NLN: variants seen among roughly 807,000 people sequenced by gnomAD.
NLN encodes the protein neurolysin, also known as neurolysin, mitochondrial.
Under a neutral mutation model 79.9 loss-of-function variants are expected in NLN, and 64 were observed. That is an observed-to-expected ratio of 0.80 (90% CI 0.65 to 0.99). The LOEUF (loss-of-function observed/expected upper bound fraction) is 0.99. Ranked by LOEUF, NLN falls within the 50% of genes least tolerant of loss-of-function variation. The pLI, the probability that NLN is intolerant of heterozygous loss-of-function variation, is 0.00. For synonymous variants in NLN, 267 were observed against 296.6 expected (o/e 0.90, Z 1.02); for missense variants, 835 against 858.7 (o/e 0.97, Z 0.34).
intron 9 of NLN, among the ~76,000 whole-genome samples, chr5:65,804,299 T>TA (rs756702768): frequency 2.6e-5 from 4 of 152,266 alleles, no homozygotes; most frequent in African/African-American, 4.8e-5. Context: ...AGATAATAGT[T>TA]ACTTCATACA....
At chr5:65,722,658 G>T (rs1758344946) in intron 1 of NLN, 2 of 511,768 alleles carry the variant, frequency 3.9e-6, no homozygotes, top group African/African-American at 2.0e-5. Context: ...TGCCTCAGCC[G>T]CAGTCAGCGA....
At chr5:65,780,766 C>G (rs1345157353) in intron 5 of NLN, among the ~76,000 whole-genome samples, 18 of 152,184 alleles carry the variant, frequency 1.2e-4, no homozygotes, top group Admixed American at 1.2e-3. Flanking sequence ...CTCCACCTCC[C>G]TGGTTCAAGC....
At chr5:65,729,670 C>G (rs896214949) in intron 1 of NLN, among the ~76,000 whole-genome samples, 3 of 152,100 alleles carry the variant, frequency 2.0e-5, no homozygotes, top group Non-Finnish European at 4.4e-5. Flanking sequence ...CACCGTGCTC[C>G]GCCGAGGATT....
At chr5:65,765,662 T>C (rs1332983684) in intron 3 of NLN, among the ~76,000 whole-genome samples, 1 of 151,958 alleles carries the variant, frequency 6.6e-6, no homozygotes, top group African/African-American at 2.4e-5. Flanking sequence ...TGAGCAGTGG[T>C]TGTGCCACTG....
intron 2 of NLN, among the ~76,000 whole-genome samples, chr5:65,760,251 T>G (rs1271786787): frequency 6.6e-6 from 1 of 152,210 alleles, no homozygotes; most frequent in Non-Finnish European, 1.5e-5. Context: ...TATCTCAGCA[T>G]TTGTTTCAGT....
chr5:65,762,286 T>C (rs1759355472), intron 2 of NLN, among the ~76,000 whole-genome samples: 1 of 152,174 alleles, frequency 6.6e-6, no homozygotes. Context: ...TGATTAGATT[T>C]TCTATGGAGT....
Position 65,785,034 on chromosome 5 carries a change from A to G in NLN, c.823-741A>G, listed in dbSNP as rs60896572. 1.7e-3 allele frequency among the ~76,000 whole-genome samples: 263 copies of G among 152,328 alleles called. 2 individuals carry two copies. The highest frequency in any genetic ancestry group is 5.9e-3 in the African/African-American group (246 of 41,568). On this transcript the variant is annotated intron_variant, in intron 6 of 12. Coordinates refer to ENST00000380985, the MANE Select transcript of NLN (RefSeq NM_020726.5). ...CCTTGTAAAGGCAGAGTTATATTCC[A>G]TTGTATATATATACCACATTTTGTT...
intron 1 of NLN, among the ~76,000 whole-genome samples, chr5:65,744,676 A>G (rs1014311663): frequency 6.6e-6 from 1 of 152,128 alleles, no homozygotes; most frequent in Non-Finnish European, 1.5e-5. Flanking sequence ...AGGCGGGTGG[A>G]TCACCTGAGG....
chr5:65,779,903 A>G (rs1050049400), intron 4 of NLN: 3 of 259,330 alleles, frequency 1.2e-5, no homozygotes, highest in African/African-American at 6.8e-5. Context: ...ATTGATGGTG[A>G]TAAAAATGAG....
intron 3 of NLN, among the ~76,000 whole-genome samples, chr5:65,769,393 AAAGTAT>A (rs1759520238): frequency 6.6e-6 from 1 of 152,244 alleles, no homozygotes; most frequent in African/African-American, 2.4e-5. Context: ...TGGAAATAAC[AAAGTAT>A]AACTGGATTG....
chr5:65,804,145 CT>C (rs966839549), intron 9 of NLN, among the ~76,000 whole-genome samples: 2 of 152,014 alleles, frequency 1.3e-5, no homozygotes, highest in South Asian at 4.2e-4. Flanking sequence ...ATCATTTAAC[CT>C]TTTTTTTCCA....
Position 65,822,765 on chromosome 5 carries a change from T to C in NLN, c.1981-16T>C, listed in dbSNP as rs775685177. 4 of 1,596,106 alleles carry C rather than the reference T, an allele frequency of 2.5e-6. No homozygotes were observed. Among genetic ancestry groups the C allele is most frequent in the Non-Finnish European group, 3.4e-6 (4 of 1,163,508 alleles). ...TAGAACCATGAATTATTAGGTATGA[T>C]GTTTTATTTTATTAGGTTGGAATGA... is the stretch of plus-strand genomic sequence containing the variant. On this transcript the variant is annotated splice_polypyrimidine_tract_variant and intron_variant, in intron 12 of 12. Transcript: ENST00000380985.
At chr5:65,806,911 T>A (rs1760425017) in intron 9 of NLN, among the ~76,000 whole-genome samples, 1 of 152,060 alleles carries the variant, frequency 6.6e-6, no homozygotes, top group African/African-American at 2.4e-5. Flanking sequence ...CTGCGTTGGC[T>A]CCCACCTGTA....
chr5:65,823,900 G>T lies in NLN; in HGVS notation c.*985G>T, dbSNP rs895684509. 1 of 152,214 alleles carries T rather than the reference G, an allele frequency of 6.6e-6. No homozygotes were observed. Among genetic ancestry groups the T allele is most frequent in the Non-Finnish European group, 1.5e-5 (1 of 68,072 alleles). The allele number at this position is 152,214 out of a possible 1,614,324, so 9.4% of individuals were successfully genotyped here. A position where few individuals can be genotyped will look rare whatever the true frequency, so the allele number is the denominator to read the frequency against. ...AACTCCAGAAGAGGAGTGGGTTTTG[G>T]ATAGAAGCATTTGAGGACAGCTGCT... is the stretch of plus-strand genomic sequence containing the variant. On this transcript the variant is annotated 3_prime_UTR_variant, in exon 13 of 13. Coordinates refer to ENST00000380985, the MANE Select transcript of NLN (RefSeq NM_020726.5).
intron 1 of NLN, among the ~76,000 whole-genome samples, chr5:65,727,450 G>A (rs909658578): frequency 1.3e-5 from 2 of 152,058 alleles, no homozygotes; most frequent in African/African-American, 2.4e-5. Context: ...GATTACAGGA[G>A]TGTACTATCA....
At chr5:65,789,390 T>C (rs1299183046) in intron 8 of NLN, among the ~76,000 whole-genome samples, 3 of 152,256 alleles carry the variant, frequency 2.0e-5, no homozygotes, top group Non-Finnish European at 4.4e-5. Flanking sequence ...TTTAGAAGAC[T>C]GCTCAGCACA....
chr5:65,735,870 C>A, intron 1 of NLN, among the ~76,000 whole-genome samples: 1 of 152,144 alleles, frequency 6.6e-6, no homozygotes, highest in East Asian at 1.9e-4. Context: ...ATAAGCTGAT[C>A]TCTTATTTGG....
chr5:65,746,647 A>C (rs2150740362), intron 1 of NLN, among the ~76,000 whole-genome samples: 1 of 152,298 alleles, frequency 6.6e-6, no homozygotes, highest in Admixed American at 6.5e-5. Context: ...TTTTTACTTA[A>C]GGTGGAGAAA....
chr5:65,749,966 C>G (rs1759067244), intron 1 of NLN, among the ~76,000 whole-genome samples: 1 of 152,196 alleles, frequency 6.6e-6, no homozygotes, highest in Non-Finnish European at 1.5e-5. Context: ...AGTGTTTTAA[C>G]ACTCCTGCAC....
Sources: allele counts gnomAD v4.1 joint callset (sites outside exome capture counted in the v4.1 genomes callset), GRCh38; gene constraint gnomAD v4.1.1; transcripts MANE v1.5; gene names NCBI Gene and HGNC (gene_info 2026-07-23, HGNC 2026-07-21).